GNG12: variants seen among roughly 807,000 people sequenced by gnomAD.
GNG12 encodes G protein subunit gamma 12.
For synonymous variants in GNG12, 28 were observed against 29.7 expected, an observed-to-expected ratio of 0.94 and a Z score of 0.19; for missense variants, 69 against 83.8, an observed-to-expected ratio of 0.82 and a Z score of 0.69.
chr1:67,710,973 A>T (rs1646291959), intron 2 of GNG12, among the ~76,000 whole-genome samples: 1 of 152,168 alleles, frequency 6.6e-6, no homozygotes, highest in African/African-American at 2.4e-5. Flanking sequence ...AAGCCATTAG[A>T]CAACCCCTTC....
chr1:67,755,893 T>C (rs916189973), intron 2 of GNG12, among the ~76,000 whole-genome samples: 3 of 152,114 alleles, frequency 2.0e-5, no homozygotes, highest in Non-Finnish European at 2.9e-5. Context: ...TTTTGTTTGT[T>C]TATATGACAG....
At chr1:67,713,958 A>G (rs547900872) in intron 2 of GNG12, among the ~76,000 whole-genome samples, 7 of 152,244 alleles carry the variant, frequency 4.6e-5, no homozygotes, top group Admixed American at 4.6e-4. Flanking sequence ...ACAGCTATCT[A>G]ATGTGGCCTT....
intron 1 of GNG12, among the ~76,000 whole-genome samples, chr1:67,795,489 T>A (rs1646825970): frequency 6.6e-6 from 1 of 152,204 alleles, no homozygotes; most frequent in South Asian, 2.1e-4. Context: ...TATCTGCTGA[T>A]TAAATGTATG....
rs1646239358 is a variant in GNG12, at chr1:67,705,164, AATT to A, written c.*284_*286del. 1 of 228,066 alleles carries A rather than the reference AATT, an allele frequency of 4.4e-6. No individual in the cohort carries two copies. Among genetic ancestry groups the A allele is most frequent in the African/African-American group, 2.3e-5 (1 of 43,566 alleles). The allele number at this position is 228,066 out of a possible 1,614,324, so 14.1% of individuals were successfully genotyped here. ...AATCCCTTGTATTTCTAAAGTATATAATTATGTTTTTAAAAAGGCCCAGATCAA... is the reference window on the plus strand; with the variant it reads ...AATCCCTTGTATTTCTAAAGTATATAATGTTTTTAAAAAGGCCCAGATCAA... On this transcript the variant is annotated 3_prime_UTR_variant, in exon 4 of 4. Coordinates refer to ENST00000370982, the MANE Select transcript of GNG12 (RefSeq NM_018841.6).
At chr1:67,711,483 G>A (rs1260840748) in intron 2 of GNG12, among the ~76,000 whole-genome samples, 1 of 151,910 alleles carries the variant, frequency 6.6e-6, no homozygotes, top group East Asian at 1.9e-4. Context: ...GGGAGGTAAG[G>A]GGAAGAGATA....
At chr1:67,772,042 G>C (rs1477936362) in intron 2 of GNG12, among the ~76,000 whole-genome samples, 1 of 152,158 alleles carries the variant, frequency 6.6e-6, no homozygotes, top group East Asian at 1.9e-4. Context: ...GATTAAGCTA[G>C]CCAAGTCTAA....
chr1:67,796,243 T>C (rs1472095944), intron 1 of GNG12, among the ~76,000 whole-genome samples: 1 of 152,252 alleles, frequency 6.6e-6, no homozygotes, highest in Non-Finnish European at 1.5e-5. Flanking sequence ...AGTGTCTGAA[T>C]GCTGTGTATG....
At chr1:67,763,023 G>A (rs561979865) in intron 2 of GNG12, among the ~76,000 whole-genome samples, 31 of 148,688 alleles carry the variant, frequency 2.1e-4, no homozygotes, top group African/African-American at 6.7e-4. Context: ...GAGAATAGTC[G>A]CAAAGCACCC....
chr1:67,800,645 A>T (rs1020878380), intron 1 of GNG12, among the ~76,000 whole-genome samples: 6 of 152,192 alleles, frequency 3.9e-5, no homozygotes, highest in Non-Finnish European at 5.9e-5. Flanking sequence ...ATGAGACTTA[A>T]TTTTTACTGC....
At chr1:67,802,261 G>A (rs548212696) in intron 1 of GNG12, among the ~76,000 whole-genome samples, 3 of 152,296 alleles carry the variant, frequency 2.0e-5, no homozygotes, top group Non-Finnish European at 4.4e-5. Context: ...AGGGCACAGG[G>A]TGAAAGATCA....
intron 2 of GNG12, among the ~76,000 whole-genome samples, chr1:67,776,923 C>T (rs1421140588): frequency 6.6e-6 from 1 of 152,176 alleles, no homozygotes; most frequent in Non-Finnish European, 1.5e-5. Context: ...CGGAAGCTTT[C>T]TCACTTTTAA....
intron 1 of GNG12, among the ~76,000 whole-genome samples, chr1:67,808,096 T>C (rs1178075883): frequency 6.6e-6 from 1 of 151,988 alleles, no homozygotes; most frequent in Non-Finnish European, 1.5e-5. Context: ...TAAAAAAGAA[T>C]TACACACTGC....
chr1:67,784,816 A>G (rs1345621712), intron 1 of GNG12, among the ~76,000 whole-genome samples: 1 of 21,974 alleles, frequency 4.6e-5, no homozygotes, highest in African/African-American at 1.8e-4. Context: ...TATATTTTGT[A>G]TAAACTTACT....
At chr1:67,784,081 G>GAT (rs1646753240) in intron 1 of GNG12, among the ~76,000 whole-genome samples, 1 of 149,956 alleles carries the variant, frequency 6.7e-6, no homozygotes, top group Non-Finnish European at 1.5e-5. Context: ...GTCCAACAAT[G>GAT]ATAGACTGGA....
At chr1:67,756,188 C>T (rs945064128) in intron 2 of GNG12, among the ~76,000 whole-genome samples, 1 of 152,100 alleles carries the variant, frequency 6.6e-6, no homozygotes, top group African/African-American at 2.4e-5. Flanking sequence ...GATTCCAAGG[C>T]CAGACCTGGT....
At chr1:67,832,522 T>C (rs1647053146) in intron 1 of GNG12, 1 of 152,010 alleles carries the variant, frequency 6.6e-6, no homozygotes, top group South Asian at 2.1e-4. Context: ...GTGACAGCGT[T>C]TTAAAGTTAG....
intron 1 of GNG12, among the ~76,000 whole-genome samples, chr1:67,792,856 T>C (rs1227665612): frequency 6.6e-6 from 1 of 152,136 alleles, no homozygotes; most frequent in African/African-American, 2.4e-5. Flanking sequence ...TCCAATATAT[T>C]TGGGTTTTCT....
intron 2 of GNG12, among the ~76,000 whole-genome samples, chr1:67,755,838 T>C (rs952221846): frequency 3.3e-5 from 5 of 152,116 alleles, no homozygotes; most frequent in African/African-American, 9.7e-5. Context: ...TACCGACAAA[T>C]AGTGCTAAAT....
At chr1:67,827,658 C>T (rs1335732121) in intron 1 of GNG12, among the ~76,000 whole-genome samples, 3 of 150,966 alleles carry the variant, frequency 2.0e-5, no homozygotes, top group Non-Finnish European at 4.4e-5. Context: ...CTCTCCTGAC[C>T]TTGTGATCCA....
Sources: allele counts gnomAD v4.1 joint callset (sites outside exome capture counted in the v4.1 genomes callset), GRCh38; gene constraint gnomAD v4.1.1; transcripts MANE v1.5; gene names NCBI Gene and HGNC (gene_info 2026-07-23, HGNC 2026-07-21).